LDLRAD4: variants seen among roughly 807,000 people sequenced by gnomAD.
LDLRAD4 encodes low-density lipoprotein receptor class A domain-containing protein 4.
LDLRAD4 carries 5 observed loss-of-function variants against 17.0 expected under a neutral mutation model. That is an observed-to-expected ratio of 0.29 (90% confidence interval 0.15 to 0.62). LDLRAD4 has a LOEUF of 0.62. Ranked by LOEUF, LDLRAD4 falls within the 20% of genes least tolerant of loss-of-function variation. The probability of loss-of-function intolerance (pLI) is 0.84; values close to 1 mark genes in which losing one functional copy is unlikely to be tolerated. For missense variants in LDLRAD4, 340 were observed against 424.7 expected (o/e 0.80, Z 1.75); for synonymous variants, 168 against 171.8 (o/e 0.98, Z 0.17).
chr18:13,278,123 C>T (rs1475989162), exon 1 of LDLRAD4: 7 of 152,190 alleles, frequency 4.6e-5, no homozygotes, highest in Admixed American at 3.9e-4. Context: ...GCTCTACGTT[C>T]GTGACATCAA....
chr18:13,558,411 A>ACGTGG (rs2094506355), intron 3 of LDLRAD4, among the ~76,000 whole-genome samples: 1 of 152,244 alleles, frequency 6.6e-6, no homozygotes, highest in Admixed American at 6.5e-5. Flanking sequence ...TGCCCAGGCC[A>ACGTGG]CGTGGTGAAG....
chr18:13,284,148 T>C (rs957032529), intron 1 of LDLRAD4, among the ~76,000 whole-genome samples: 2 of 152,024 alleles, frequency 1.3e-5, no homozygotes, highest in African/African-American at 4.8e-5. Context: ...AAATCAGAAA[T>C]GCAGCAAGGG....
intron 3 of LDLRAD4, among the ~76,000 whole-genome samples, chr18:13,494,962 C>T (rs371034950): frequency 3.3e-4 from 50 of 151,948 alleles, no homozygotes; most frequent in South Asian, 1.7e-3. Flanking sequence ...AAGCGAACCC[C>T]GTTTGCCTTC....
At chr18:13,413,478 C>A (rs73406307) in intron 2 of LDLRAD4, among the ~76,000 whole-genome samples, 5,257 of 152,254 alleles carry the variant, frequency 0.035, 222 homozygotes, top group African/African-American at 0.098. Flanking sequence ...AACCTCATCT[C>A]ATAGTGTGAT....
At chr18:13,576,880 T>G (rs1177098111) in intron 3 of LDLRAD4, among the ~76,000 whole-genome samples, 2 of 152,234 alleles carry the variant, frequency 1.3e-5, no homozygotes, top group East Asian at 3.8e-4. Context: ...TCAGAGAAAC[T>G]GCCAGCTGAG....
rs1476809628 is a variant in LDLRAD4 at position 13,440,006 on chromosome 18, A to G, written c.181+1622A>G. ...GCGCTAAGCACTCAAGATTACCTCA[A>G]CCCAGGCTTGGGGTCTTAGAAGGAG... On this transcript the variant is annotated intron_variant, in intron 3 of 5. Transcript: ENST00000359446. The surrounding 1 kb of genome is among the most constrained non-coding windows in gnomAD (Gnocchi z 4.4). Among the ~76,000 whole-genome samples, 1 of 152,152 alleles carries G rather than the reference A, an allele frequency of 6.6e-6. No individual in the cohort carries two copies. Among genetic ancestry groups the G allele is most frequent in the East Asian group, 1.9e-4 (1 of 5,194 alleles).
At chr18:13,575,708 T>G (rs113787948) in intron 3 of LDLRAD4, among the ~76,000 whole-genome samples, 1 of 152,386 alleles carries the variant, frequency 6.6e-6, no homozygotes, top group African/African-American at 2.4e-5. Flanking sequence ...AACGTGTTCC[T>G]TTTTCACCGC....
intron 1 of LDLRAD4, among the ~76,000 whole-genome samples, chr18:13,368,957 G>A (rs2144797335): frequency 6.6e-6 from 1 of 152,304 alleles, no homozygotes; most frequent in East Asian, 1.9e-4. Context: ...TCCCGCCTTG[G>A]TCTCCCAAAG....
chr18:13,330,194 C>T (rs1197925111), intron 1 of LDLRAD4, among the ~76,000 whole-genome samples: 2 of 152,238 alleles, frequency 1.3e-5, no homozygotes, highest in Admixed American at 6.5e-5. Context: ...CTCCTGACCT[C>T]GTGATCCACC....
chr18:13,236,728 TG>T (rs2042357664), intron 1 of LDLRAD4, among the ~76,000 whole-genome samples: 1 of 152,206 alleles, frequency 6.6e-6, no homozygotes, highest in Non-Finnish European at 1.5e-5. Context: ...GAGCTGCTGT[TG>T]GAGTGGGGGT....
chr18:13,574,483 G>A (rs550654102), intron 3 of LDLRAD4, among the ~76,000 whole-genome samples: 18 of 152,304 alleles, frequency 1.2e-4, no homozygotes, highest in African/African-American at 2.6e-4. Context: ...TGTCCTGTTC[G>A]TCTTTGTACC....
At chr18:13,463,681 C>T (rs1056235180) in intron 3 of LDLRAD4, among the ~76,000 whole-genome samples, 2 of 152,124 alleles carry the variant, frequency 1.3e-5, no homozygotes, top group Non-Finnish European at 2.9e-5. Flanking sequence ...CACCCAACAG[C>T]GTATAGCACC....
At chr18:13,421,661 C>A (rs934859286) in intron 2 of LDLRAD4, among the ~76,000 whole-genome samples, 2 of 152,196 alleles carry the variant, frequency 1.3e-5, no homozygotes, top group Admixed American at 6.5e-5. Flanking sequence ...TGCCTCCCAG[C>A]GTTTTGTAGA....
At chr18:13,485,222 G>A (rs1323613389) in intron 3 of LDLRAD4, among the ~76,000 whole-genome samples, 1 of 152,214 alleles carries the variant, frequency 6.6e-6, no homozygotes, top group African/African-American at 2.4e-5. Flanking sequence ...CCAGGTGTCT[G>A]GCTGGCACAG....
At chr18:13,464,803 A>G (rs1193254993) in intron 3 of LDLRAD4, among the ~76,000 whole-genome samples, 1 of 36,540 alleles carries the variant, frequency 2.7e-5, no homozygotes, top group Admixed American at 3.4e-4. Context: ...CCCCACCCCA[A>G]GGTTTTAGGA....
intron 3 of LDLRAD4, among the ~76,000 whole-genome samples, chr18:13,610,950 T>TA (rs918724612): frequency 2.8e-4 from 42 of 152,226 alleles, no homozygotes; most frequent in African/African-American, 9.6e-4. Flanking sequence ...CTCGCGGCTG[T>TA]ATATTAATAA....
intron 2 of LDLRAD4, among the ~76,000 whole-genome samples, chr18:13,426,487 C>T (rs957949507): frequency 2.6e-5 from 4 of 152,268 alleles, no homozygotes; most frequent in Admixed American, 2.0e-4. Flanking sequence ...TCCCATCTCT[C>T]TGCCCAGTAG....
intron 3 of LDLRAD4, among the ~76,000 whole-genome samples, chr18:13,603,544 C>G (rs1013710632): frequency 6.6e-6 from 1 of 152,324 alleles, no homozygotes; most frequent in East Asian, 1.9e-4. Flanking sequence ...ATTCTCTCAC[C>G]TGTGAGATTG....
At chr18:13,543,508 G>A (rs1175098733) in intron 3 of LDLRAD4, 1 of 152,234 alleles carries the variant, frequency 6.6e-6, no homozygotes, top group Non-Finnish European at 1.5e-5. Context: ...TTAGAATCCT[G>A]AAGGAGGTTT....
Sources: gnomAD v4.1 joint callset for allele counts (sites outside exome capture counted in the v4.1 genomes callset) on GRCh38, gnomAD v4.1.1 for gene constraint, Gnocchi (gnomAD v3.1) non-coding constraint, MANE v1.5 for transcripts, NCBI Gene and HGNC (gene_info 2026-07-23, HGNC 2026-07-21) for gene names.